CECR2: variants seen among roughly 807,000 people sequenced by gnomAD.
The protein encoded by CECR2 is CECR2 histone acetyl-lysine reader, also known as chromatin remodeling regulator CECR2.
CECR2 carries 30 observed loss-of-function variants against 154.5 expected under a neutral mutation model. The ratio of observed to expected loss-of-function variants is 0.19; its 90% CI spans 0.15 to 0.26. The LOEUF (loss-of-function observed/expected upper bound fraction) is 0.26, where lower values mean the gene tolerates loss of function less well. Among genes scored for constraint, CECR2 ranks in the 10% least tolerant of loss-of-function variants. The probability of loss-of-function intolerance (pLI) is 1.00; values close to 1 mark genes in which losing one functional copy is unlikely to be tolerated. For missense variants in CECR2, 1,743 were observed against 1,829.3 expected (o/e 0.95, Z 0.86); for synonymous variants, 725 against 683.7 (o/e 1.06, Z -0.94).
intron 1 of CECR2, among the ~76,000 whole-genome samples, chr22:17,466,814 G>A (rs138000907): frequency 2.2e-4 from 33 of 152,206 alleles, no homozygotes; most frequent in African/African-American, 7.9e-4. Flanking sequence ...GGCTGGTCTC[G>A]AACTCCTGAC....
chr22:17,480,086 AT>A (rs939291702), intron 2 of CECR2, among the ~76,000 whole-genome samples: 2 of 152,044 alleles, frequency 1.3e-5, no homozygotes, highest in African/African-American at 4.8e-5. Context: ...AAATAATAGA[AT>A]ACCGTATCCC....
intron 1 of CECR2, among the ~76,000 whole-genome samples, chr22:17,387,912 C>T (rs2063283758): frequency 6.6e-6 from 1 of 151,710 alleles, no homozygotes; most frequent in Non-Finnish European, 1.5e-5. Context: ...GTTAGTATTA[C>T]ATTCTATATT....
chr22:17,388,833 AGGTG>A (rs2063295512), intron 1 of CECR2, among the ~76,000 whole-genome samples: 1 of 151,322 alleles, frequency 6.6e-6, no homozygotes, highest in South Asian at 2.1e-4. Context: ...TTTTTTTTTG[AGGTG>A]GAGTCTCACT....
In CECR2 at chr22:17,540,628, A is replaced by T. The variant is rs759905602; in HGVS notation, c.1712A>T (p.Glu571Val). The change falls in exon 14 of 19, where the codon GAG becomes GTG. Residue 571 changes from glutamate to valine, a missense_variant. Physicochemically the swap from Glu to Val is moderately radical, Grantham distance 121 (BLOSUM62 -2). This residue lies in a region of CECR2 where 1,250 missense variants were observed against 1,192.1 expected (regional missense o/e 1.05). Transcript: ENST00000262608. ...EGSSRKQQPMENGGKSLPPTR... is the reference protein window; with the variant it reads ...EGSSRKQQPMVNGGKSLPPTR... ...TCCAGCAGGAAACAGCAGCCCATGG[A>T]GAATGGAGGAAAGTCGTTGCCCCCC... 4 of 1,613,862 alleles carry T rather than the reference A, an allele frequency of 2.5e-6. No individual in the cohort carries two copies. Among genetic ancestry groups the T allele is most frequent in the Non-Finnish European group, 3.4e-6 (4 of 1,179,842 alleles).
intron 16 of CECR2, among the ~76,000 whole-genome samples, chr22:17,547,106 T>C (rs1175514284): frequency 6.6e-6 from 1 of 151,836 alleles, no homozygotes; most frequent in Non-Finnish European, 1.5e-5. Context: ...CTATTGTATA[T>C]TGTAGTCTTA....
rs1601531787 is a variant in CECR2 at position 17,536,219 on chromosome 22, G to A, written c.1109-884G>A. 1.3e-5 allele frequency among the ~76,000 whole-genome samples: 2 copies of A among 152,242 alleles called. 1 individual carries two copies. The highest frequency in any genetic ancestry group is 4.1e-4 in the South Asian group (2 of 4,828). On this transcript the variant is annotated intron_variant, in intron 9 of 18. Coordinates refer to ENST00000262608, the MANE Select transcript of CECR2 (RefSeq NM_001290047.2). ...GCCGAGGTGGCGCCATTACACTCCA[G>A]CCTGGGCAACAAGAGCAAAACTCCG...
intron 1 of CECR2, among the ~76,000 whole-genome samples, chr22:17,454,155 C>T (rs940844735): frequency 6.6e-6 from 1 of 152,102 alleles, no homozygotes; most frequent in African/African-American, 2.4e-5. Context: ...TAGTATTAGC[C>T]AGGTGTGGTG....
At chr22:17,462,904 T>A (rs1358341905) in intron 1 of CECR2, among the ~76,000 whole-genome samples, 1 of 151,998 alleles carries the variant, frequency 6.6e-6, no homozygotes, top group Non-Finnish European at 1.5e-5. Context: ...AGATCGAGAC[T>A]CCGTCTCAAA....
At chr22:17,505,463 C>T (rs1044968314) in intron 7 of CECR2, among the ~76,000 whole-genome samples, 11 of 151,550 alleles carry the variant, frequency 7.3e-5, no homozygotes, top group Non-Finnish European at 1.5e-5. Flanking sequence ...TCTCATAAAC[C>T]ATATGCCCCA....
At chr22:17,377,892 T>A (rs1448289016) in intron 1 of CECR2, among the ~76,000 whole-genome samples, 1 of 152,250 alleles carries the variant, frequency 6.6e-6, no homozygotes, top group Non-Finnish European at 1.5e-5. Flanking sequence ...CCTTTAATCC[T>A]CTGGGTTTCT....
intron 1 of CECR2, among the ~76,000 whole-genome samples, chr22:17,396,084 A>C (rs2053805283): frequency 6.8e-6 from 1 of 148,008 alleles, no homozygotes; most frequent in African/African-American, 2.5e-5. Context: ...TACGAAAATA[A>C]AAAAAAAAAC....
intron 1 of CECR2, among the ~76,000 whole-genome samples, chr22:17,407,393 C>A (rs1045231063): frequency 6.6e-6 from 1 of 152,102 alleles, no homozygotes; most frequent in Non-Finnish European, 1.5e-5. Context: ...GTCAGGAGTT[C>A]GAGACCACCC....
At chr22:17,551,429 C>A (rs1383832020) in intron 17 of CECR2, among the ~76,000 whole-genome samples, 1 of 151,728 alleles carries the variant, frequency 6.6e-6, no homozygotes, top group Non-Finnish European at 1.5e-5. Context: ...GTTGTCATAT[C>A]TTTGTTTTGT....
At chr22:17,438,319 TGGG>T (rs2054535590) in intron 1 of CECR2, among the ~76,000 whole-genome samples, 12 of 151,738 alleles carry the variant, frequency 7.9e-5, no homozygotes, top group Admixed American at 7.9e-4. Context: ...AGAAGTTTAG[TGGG>T]GAAAATGTTT....
chr22:17,417,329 A>G (rs1239325570), intron 1 of CECR2, among the ~76,000 whole-genome samples: 1 of 152,038 alleles, frequency 6.6e-6, no homozygotes, highest in Admixed American at 6.6e-5. Flanking sequence ...AAAGGGAGAA[A>G]AAATAATTAG....
chr22:17,424,225 A>G (rs1215695744), intron 1 of CECR2, among the ~76,000 whole-genome samples: 1 of 151,802 alleles, frequency 6.6e-6, no homozygotes, highest in Non-Finnish European at 1.5e-5. Flanking sequence ...GGTGTGAGCC[A>G]CCACACCCGG....
chr22:17,449,602 G>A (rs1378066719), intron 1 of CECR2, among the ~76,000 whole-genome samples: 2 of 142,568 alleles, frequency 1.4e-5, no homozygotes, highest in Non-Finnish European at 3.0e-5. Flanking sequence ...CCATTCTCCT[G>A]CCTCAGCTTC....
chr22:17,450,484 T>G (rs1049575059), intron 1 of CECR2, among the ~76,000 whole-genome samples: 2 of 152,200 alleles, frequency 1.3e-5, no homozygotes, highest in African/African-American at 4.8e-5. Context: ...TTGGCCAGGC[T>G]GGTTTCAAAT....
chr22:17,513,254 G>A (rs1462348655), intron 8 of CECR2, among the ~76,000 whole-genome samples: 2 of 152,114 alleles, frequency 1.3e-5, no homozygotes, highest in African/African-American at 2.4e-5. Context: ...CTTTTTAACC[G>A]TTTATCCTTT....
Sources: gnomAD v4.1 joint callset for allele counts (sites outside exome capture counted in the v4.1 genomes callset) on GRCh38, gnomAD v4.1.1 for gene constraint, gnomAD v4.1.1 regional missense constraint, MANE v1.5 for transcripts, NCBI Gene and HGNC (gene_info 2026-07-23, HGNC 2026-07-21) for gene names.